The following ST18 variants were observed in gnomAD, a reference collection of about 807,000 sequenced individuals.
ST18 encodes the protein suppression of tumorigenicity 18 protein.
A neutral mutation model predicts 110.0 loss-of-function variants in ST18; 50 were observed. That is an observed-to-expected ratio of 0.45 (90% CI 0.36 to 0.58). The LOEUF (loss-of-function observed/expected upper bound fraction) is 0.58. Among genes scored for constraint, ST18 ranks in the 20% least tolerant of loss-of-function variants. The pLI, the probability that ST18 is intolerant of heterozygous loss-of-function variation, is 0.00. For missense variants in ST18, 1,306 were observed against 1,280.1 expected (o/e 1.02, Z -0.31); for synonymous variants, 461 against 452.4 (o/e 1.02, Z -0.24).
At chr8:52,321,148 T>A (rs1039216288) in intron 2 of ST18, among the ~76,000 whole-genome samples, 1 of 152,168 alleles carries the variant, frequency 6.6e-6, no homozygotes, top group Non-Finnish European at 1.5e-5. Flanking sequence ...TATATGCATG[T>A]GTGCAGAAAA....
intron 2 of ST18, among the ~76,000 whole-genome samples, chr8:52,396,856 A>C (rs1841319057): frequency 6.6e-6 from 1 of 152,076 alleles, no homozygotes; most frequent in South Asian, 2.1e-4. Context: ...TAAATACATA[A>C]CACATTTTCT....
intron 3 of ST18, among the ~76,000 whole-genome samples, chr8:52,223,072 G>C (rs62501032): frequency 2.0e-5 from 3 of 152,182 alleles, no homozygotes; most frequent in Non-Finnish European, 4.4e-5. Flanking sequence ...ACATGGCTTC[G>C]CTTGTTAAAT....
chr8:52,327,793 G>GC (rs1167073079), intron 2 of ST18, among the ~76,000 whole-genome samples: 1 of 152,112 alleles, frequency 6.6e-6, no homozygotes, highest in Admixed American at 6.5e-5. Flanking sequence ...ATGAAGTTGA[G>GC]CCAACACTTG....
chr8:52,401,894 C>A (rs1346248126), intron 2 of ST18, among the ~76,000 whole-genome samples: 1 of 152,104 alleles, frequency 6.6e-6, no homozygotes, highest in Admixed American at 6.6e-5. Flanking sequence ...GATGCCTGTG[C>A]ATCCAGTGGA....
At chr8:52,288,693 CAAAAAATAAAAAAA>C (rs2095507444) in intron 2 of ST18, among the ~76,000 whole-genome samples, 1 of 133,010 alleles carries the variant, frequency 7.5e-6, no homozygotes, top group African/African-American at 2.9e-5. Context: ...GACTCAGTCT[CAAAAAATAAAAAAA>C]AAAAAATAAA....
In ST18 at chr8:52,305,560, T is replaced by G. The variant is rs533520952; in HGVS notation, c.-464-75483A>C. Among the ~76,000 whole-genome samples the G allele has an allele frequency of 4.6e-5, 7 of 152,310 alleles. 1 individual carries two copies. In the South Asian group the frequency reaches 1.5e-3, roughly 32 times the overall value. On this transcript the variant is annotated intron_variant, in intron 2 of 25. Transcript: ENST00000689386. The stretch of plus-strand genomic sequence containing the variant: ...TTCTCTAGGATGTGAAATAAAAATT[T>G]CACATGAAAACGTCTTACCTTCTCT...
rs1391984978 is a variant in ST18, at chr8:52,221,648, C to T, written c.-273G>A. On this transcript the variant is annotated 5_prime_UTR_variant, in exon 4 of 26. Coordinates refer to ENST00000689386, the MANE Select transcript of ST18 (RefSeq NM_001352837.2). ...AAACACAAGCCACCAACCTTTCTTGCAGAAAATTTCTACCGTCCTGCCTTC... is the reference window on the plus strand; with the variant it reads ...AAACACAAGCCACCAACCTTTCTTGTAGAAAATTTCTACCGTCCTGCCTTC... 1.3e-5 allele frequency: 2 copies of T among 152,208 alleles called. No individual in the cohort carries two copies. The highest frequency in any genetic ancestry group is 2.9e-5 in the Non-Finnish European group (2 of 68,028). 9.4% of individuals were successfully genotyped at this position (152,208 alleles called of 1,614,324 possible).
intron 2 of ST18, among the ~76,000 whole-genome samples, chr8:52,271,159 A>G (rs999007030): frequency 1.3e-5 from 2 of 152,154 alleles, no homozygotes; most frequent in South Asian, 2.1e-4. Context: ...CAGCCTCCCA[A>G]ATAGGGTTAT....
At chr8:52,192,852 A>G (rs1290830556) in intron 8 of ST18, among the ~76,000 whole-genome samples, 2 of 152,200 alleles carry the variant, frequency 1.3e-5, no homozygotes, top group African/African-American at 4.8e-5. Flanking sequence ...CTTTGAGCTC[A>G]GACTCCTTTT....
intron 2 of ST18, among the ~76,000 whole-genome samples, chr8:52,343,378 T>C (rs111261413): frequency 0.015 from 2,211 of 152,268 alleles, 63 homozygotes; most frequent in African/African-American, 0.051. Flanking sequence ...TTATATGAGG[T>C]GATCATATCT....
intron 2 of ST18, among the ~76,000 whole-genome samples, chr8:52,374,471 T>C (rs989917274): frequency 8.5e-5 from 13 of 152,214 alleles, no homozygotes; most frequent in Non-Finnish European, 7.3e-5. Context: ...CCTCCTGAAC[T>C]ATGAGAAAAT....
intron 2 of ST18, among the ~76,000 whole-genome samples, chr8:52,357,730 T>C (rs868165101): frequency 2.3e-5 from 2 of 86,822 alleles, no homozygotes; most frequent in Admixed American, 1.3e-4. Context: ...TATATATATA[T>C]AAAACAGACT....
At chr8:52,150,157 C>T (rs2058445598) in intron 15 of ST18, among the ~76,000 whole-genome samples, 180 bp from the exon 16 acceptor site, 1 of 151,998 alleles carries the variant, frequency 6.6e-6, no homozygotes, top group African/African-American at 2.4e-5. Flanking sequence ...TAAGAACAGC[C>T]CCATTAGTGA....
intron 2 of ST18, among the ~76,000 whole-genome samples, chr8:52,331,475 G>A (rs1233894014): frequency 6.6e-6 from 1 of 151,976 alleles, no homozygotes; most frequent in African/African-American, 2.4e-5. Flanking sequence ...ACATACACAA[G>A]TAACCAAGAC....
intron 19 of ST18, among the ~76,000 whole-genome samples, chr8:52,134,046 T>A (rs571179893): frequency 1.3e-5 from 2 of 152,298 alleles, no homozygotes; most frequent in East Asian, 3.9e-4. Flanking sequence ...ATGATTTTTA[T>A]GAATAATTTA....
At chr8:52,245,018 G>A (rs925030325) in intron 2 of ST18, among the ~76,000 whole-genome samples, 1 of 151,992 alleles carries the variant, frequency 6.6e-6, no homozygotes, top group African/African-American at 2.4e-5. Flanking sequence ...ATCTTTTCCT[G>A]ATTTCATTTA....
In ST18 at chr8:52,136,523, T is replaced by C. The variant is rs533967271; in HGVS notation, c.2300+67A>G. On this transcript the variant is annotated intron_variant, in intron 19 of 25. Coordinates refer to ENST00000689386, the MANE Select transcript of ST18 (RefSeq NM_001352837.2). ...TGTTGCTGATCACTTGGGCAATGAA[T>C]GGGCACTGAACGAGAGGGTCCTACC... The C allele has an allele frequency of 2.0e-6, 3 of 1,470,478 alleles. No homozygotes were observed. The African/African-American group carries it at 4.2e-5, about 20-fold the overall frequency. 91.1% of individuals were successfully genotyped at this position (1,470,478 alleles called of 1,614,324 possible).
At chr8:52,276,102 GAAA>G (rs1564392447) in intron 2 of ST18, among the ~76,000 whole-genome samples, 2 of 16,978 alleles carry the variant, frequency 1.2e-4, no homozygotes, top group African/African-American at 2.2e-4. Context: ...CCACACACAT[GAAA>G]CACACACCGC....
intron 10 of ST18, among the ~76,000 whole-genome samples, chr8:52,170,127 A>G (rs1474915232): frequency 6.6e-6 from 1 of 152,236 alleles, no homozygotes; most frequent in Non-Finnish European, 1.5e-5. Context: ...TGTGCTACTT[A>G]GAAAGAAAAA....
Sources: allele counts gnomAD v4.1 joint callset (sites outside exome capture counted in the v4.1 genomes callset), GRCh38; gene constraint gnomAD v4.1.1; transcripts MANE v1.5; gene names NCBI Gene and HGNC (gene_info 2026-07-23, HGNC 2026-07-21).